Variants in TAFA1 observed in about 807,000 individuals in gnomAD.
TAFA1 encodes TAFA chemokine like family member 1.
A neutral mutation model predicts 18.5 loss-of-function variants in TAFA1; 4 were observed. The ratio of observed to expected loss-of-function variants is 0.22; its 90% CI spans 0.11 to 0.49. TAFA1 has a LOEUF of 0.49. TAFA1 is among the 20% of genes least tolerant of loss of function. The probability of loss-of-function intolerance (pLI) is 0.98; values close to 1 mark genes in which losing one functional copy is unlikely to be tolerated. For synonymous variants in TAFA1, 56 were observed against 55.2 expected (o/e 1.01, Z -0.06); for missense variants, 147 against 169.0 (o/e 0.87, Z 0.72).
chr3:68,355,627 A>G (rs554540037), intron 2 of TAFA1, among the ~76,000 whole-genome samples: 5 of 152,118 alleles, frequency 3.3e-5, no homozygotes, highest in African/African-American at 7.2e-5. Context: ...AGACTGCGTC[A>G]TAATTGTGAA....
chr3:68,515,577 A>C (rs780537343), intron 3 of TAFA1, among the ~76,000 whole-genome samples: 4 of 152,204 alleles, frequency 2.6e-5, no homozygotes, highest in Non-Finnish European at 4.4e-5. Flanking sequence ...TGTAGAAATA[A>C]GAGCTATGTG....
chr3:68,103,343 T>G (rs2065169917), intron 2 of TAFA1, among the ~76,000 whole-genome samples: 1 of 152,228 alleles, frequency 6.6e-6, no homozygotes, highest in Non-Finnish European at 1.5e-5. Context: ...GTATGGTAAT[T>G]GTGGTTAAAG....
chr3:68,093,784 G>A (rs2065055658), intron 2 of TAFA1, among the ~76,000 whole-genome samples: 1 of 151,912 alleles, frequency 6.6e-6, no homozygotes, highest in African/African-American at 2.4e-5. Context: ...AAAGGTTGAT[G>A]AAAAATAAGA....
chr3:68,294,074 G>A (rs1269714422), intron 2 of TAFA1, among the ~76,000 whole-genome samples: 1 of 152,108 alleles, frequency 6.6e-6, no homozygotes, highest in Non-Finnish European at 1.5e-5. Flanking sequence ...ATGTTTTCTT[G>A]AGTCCTTCTT....
At chr3:68,525,608 T>A (rs2073100934) in intron 3 of TAFA1, among the ~76,000 whole-genome samples, 1 of 152,190 alleles carries the variant, frequency 6.6e-6, no homozygotes, top group Non-Finnish European at 1.5e-5. Flanking sequence ...ATTCCAGAGA[T>A]ATTGGGAAGT....
rs60291932 is a variant in TAFA1, at chr3:68,331,856, C to CTTTTTTTTTTTT, written c.119-85410_119-85399dup. 1.5e-3 allele frequency among the ~76,000 whole-genome samples: 118 copies of CTTTTTTTTTTTT among 76,198 alleles called. 5 individuals are homozygous for CTTTTTTTTTTTT. Among genetic ancestry groups the CTTTTTTTTTTTT allele is most frequent in the Non-Finnish European group, 1.7e-3 (74 of 43,132 alleles). The allele number at this position is 76,198 out of a possible 152,430, so 50.0% of individuals were successfully genotyped here. ...TGGGTAAAGGATAGTCTTTTCTTTT[C>CTTTTTTTTTTTT]TTTTTTTTTTTTTTTTTTTTTTTTT... On this transcript the variant is annotated intron_variant, in intron 2 of 4. Transcript: ENST00000478136.
chr3:68,472,311 C>G (rs1251518807), intron 3 of TAFA1, among the ~76,000 whole-genome samples: 1 of 152,120 alleles, frequency 6.6e-6, no homozygotes, highest in Non-Finnish European at 1.5e-5. Context: ...TAAGAAGTCA[C>G]TTTGCTCCCC....
At chr3:68,115,658 C>T (rs1180624471) in intron 2 of TAFA1, among the ~76,000 whole-genome samples, 1 of 152,142 alleles carries the variant, frequency 6.6e-6, no homozygotes, top group African/African-American at 2.4e-5. Flanking sequence ...ATGCCGGAGG[C>T]GTGGCCCTGT....
chr3:68,045,378 G>A (rs754004186), intron 2 of TAFA1, among the ~76,000 whole-genome samples: 3 of 152,172 alleles, frequency 2.0e-5, no homozygotes, highest in Non-Finnish European at 4.4e-5. Flanking sequence ...AACTACAAAG[G>A]TATCTGGCAA....
At chr3:68,477,956 T>G (rs192749271) in intron 3 of TAFA1, among the ~76,000 whole-genome samples, 1 of 152,302 alleles carries the variant, frequency 6.6e-6, no homozygotes, top group Non-Finnish European at 1.5e-5. Context: ...ATAGTTCCAC[T>G]AATGGCTTGG....
chr3:68,351,873 A>C (rs576505164), intron 2 of TAFA1, among the ~76,000 whole-genome samples: 143 of 152,102 alleles, frequency 9.4e-4, no homozygotes, highest in Admixed American at 3.3e-3. Flanking sequence ...TTAGGCAAGC[A>C]GAGTGAGGTC....
At chr3:67,992,385 A>G in the TAFA1 span, among the ~76,000 whole-genome samples, 10 of 152,362 alleles carry the variant, frequency 6.6e-5, no homozygotes, top group South Asian at 8.3e-4. Flanking sequence ...CAGTCAATCA[A>G]TGGTATCTGT....
intron 3 of TAFA1, among the ~76,000 whole-genome samples, chr3:68,459,488 C>T (rs368780309): frequency 0.016 from 1,026 of 63,610 alleles, 19 homozygotes; most frequent in African/African-American, 0.09. Flanking sequence ...TGTTTTTTAA[C>T]GCACTAGAAG....
intron 2 of TAFA1, among the ~76,000 whole-genome samples, chr3:68,181,808 A>G (rs978027495): frequency 1.3e-5 from 2 of 152,144 alleles, no homozygotes; most frequent in Non-Finnish European, 2.9e-5. Context: ...CAACACTTTC[A>G]TCTGTAAAAT....
At chr3:68,039,645 G>A (rs762440077) in intron 2 of TAFA1, among the ~76,000 whole-genome samples, 13 of 152,102 alleles carry the variant, frequency 8.5e-5, no homozygotes, top group Non-Finnish European at 1.8e-4. Flanking sequence ...ATGAAGAGTC[G>A]CATTACCCCA....
intron 2 of TAFA1, among the ~76,000 whole-genome samples, chr3:68,036,137 C>T (rs1173879606): frequency 2.0e-5 from 3 of 152,052 alleles, no homozygotes; most frequent in Non-Finnish European, 2.9e-5. Context: ...TGAAACAGTT[C>T]ACCAAAAGGA....
intron 3 of TAFA1, among the ~76,000 whole-genome samples, chr3:68,480,451 C>T (rs949575615): frequency 1.3e-5 from 2 of 151,984 alleles, no homozygotes; most frequent in Non-Finnish European, 2.9e-5. Context: ...AGGATCTACT[C>T]AGGACCAACT....
At chr3:68,463,844 A>G (rs2071832335) in intron 3 of TAFA1, among the ~76,000 whole-genome samples, 4 of 152,266 alleles carry the variant, frequency 2.6e-5, no homozygotes, top group Admixed American at 2.0e-4. Flanking sequence ...ACAGGCAATT[A>G]CATAGCCTCC....
At chr3:68,532,243 G>A (rs2073198385) in intron 3 of TAFA1, among the ~76,000 whole-genome samples, 1 of 152,202 alleles carries the variant, frequency 6.6e-6, no homozygotes, top group Admixed American at 6.5e-5. Flanking sequence ...CCCAGGAGGA[G>A]GAGGGGAGGT....
Sources: gnomAD v4.1 joint callset for allele counts (sites outside exome capture counted in the v4.1 genomes callset) on GRCh38, gnomAD v4.1.1 for gene constraint, MANE v1.5 for transcripts, NCBI Gene and HGNC (gene_info 2026-07-23, HGNC 2026-07-21) for gene names.